LAMA5: variants seen among roughly 807,000 people sequenced by gnomAD.
The protein encoded by LAMA5 is laminin subunit alpha 5.
Under a neutral mutation model 433.4 loss-of-function variants are expected in LAMA5, and 260 were observed. The observed-to-expected ratio is 0.60, with a 90% confidence interval of 0.54 to 0.66. The LOEUF (loss-of-function observed/expected upper bound fraction) is 0.66. Among genes scored for constraint, LAMA5 ranks in the 30% least tolerant of loss-of-function variants. The pLI is 0.00. For synonymous variants in LAMA5, 2,620 were observed against 2,226.6 expected (o/e 1.18, Z -4.97); for missense variants, 5,378 against 5,258.5 (o/e 1.02, Z -0.70).
rs1173086148 is a variant in LAMA5, at chr20:62,321,602, G to A, written c.6496+417C>T. Among the ~76,000 whole-genome samples the A allele has an allele frequency of 2.0e-4, 23 of 116,590 alleles. 1 individual carries two copies. In the South Asian group the frequency reaches 3.5e-3, roughly 18 times the overall value. 76.5% of individuals were successfully genotyped at this position (116,590 alleles called of 152,430 possible). A position where few individuals can be genotyped will look rare whatever the true frequency, so the allele number is the denominator to read the frequency against. On this transcript the variant is annotated intron_variant, in intron 48 of 79. Transcript: ENST00000252999. ...GTGGAGGGGTGGGGCCAGTGGAGGT[G>A]GGGTCAGTGAAGGGGTGGGGCCAGC...
At chr20:62,350,766 C>G (rs1984168011) in intron 6 of LAMA5, among the ~76,000 whole-genome samples, 1 of 152,176 alleles carries the variant, frequency 6.6e-6, no homozygotes, top group Admixed American at 6.5e-5. Context: ...CTCCGGGCAC[C>G]ACGCTGAGTA....
In LAMA5 at chr20:62,310,773, G is replaced by T; in HGVS notation, c.10338C>A (p.Ala3446=). The part of the protein sequence containing the change: ...RILLVTDGAR[A]WSQEGPHRQH... ...GCCGGTGCGGCCCCTCCTGGCTCCA[G>T]GCCCGGGCCCCGTCCGTCACCAGCA... Residue 3446 remains alanine, a synonymous_variant, in exon 75 of 80, where the codon GCC becomes GCA. Transcript: ENST00000252999. The T allele has an allele frequency of 6.4e-7, 1 of 1,555,162 alleles. No individual in the cohort carries two copies. The highest frequency in any genetic ancestry group is 2.3e-5 in the East Asian group (1 of 43,920).
intron 1 of LAMA5, among the ~76,000 whole-genome samples, chr20:62,365,980 C>T (rs933021927): frequency 1.3e-5 from 2 of 152,204 alleles, no homozygotes; most frequent in Admixed American, 1.3e-4. Flanking sequence ...CCTCTGCCCC[C>T]ACCCAGCAAA....
At chr20:62,341,826 CAAAAAAAAAAA>C (rs11466846) in intron 11 of LAMA5, among the ~76,000 whole-genome samples, 74,545 of 128,610 alleles carry the variant, frequency 0.58, 23,101 homozygotes, top group East Asian at 0.76. Flanking sequence ...TCTGATCAAC[CAAAAAAAAAAA>C]AAAAAAAAAA....
chr20:62,338,617 T>C lies in LAMA5; in HGVS notation c.1478-9A>G. ...CGCGCTGCAGTCACAATCTGGAGGG[T>C]GGGGACAGGCAGGGGAGTCTCAGAT... On this transcript the variant is annotated splice_polypyrimidine_tract_variant and intron_variant, in intron 11 of 79. Transcript: ENST00000252999. 1 of 1,605,544 alleles carries C rather than the reference T, an allele frequency of 6.2e-7. No homozygotes were observed. Among genetic ancestry groups the C allele is most frequent in the Non-Finnish European group, 8.5e-7 (1 of 1,178,078 alleles).
intron 47 of LAMA5, 49 bp downstream of exon 47, chr20:62,322,220 C>A (rs1227914014): frequency 1.3e-6 from 2 of 1,542,566 alleles, no homozygotes; most frequent in Non-Finnish European, 1.7e-6. Flanking sequence ...TTGGAGCGTA[C>A]CCCACTCAGA....
chr20:62,315,872 C>G, intron 58 of LAMA5, 76 bp downstream of exon 58: 1 of 1,138,484 alleles, frequency 8.8e-7, no homozygotes, highest in South Asian at 1.4e-5. Flanking sequence ...TGCTCACCAA[C>G]CACATGTGGC....
chr20:62,334,623 T>A lies in LAMA5; in HGVS notation c.2483-2A>T. The A allele has an allele frequency of 6.5e-7, 1 of 1,545,412 alleles. No individual in the cohort carries two copies. The highest frequency in any genetic ancestry group is 8.7e-7 in the Non-Finnish European group (1 of 1,146,334). On this transcript the variant is annotated splice_acceptor_variant, in intron 20 of 79. Coordinates refer to ENST00000252999, the MANE Select transcript of LAMA5 (RefSeq NM_005560.6). LOFTEE classifies it high-confidence loss of function. Reference sequence around the variant, plus strand: ...CACCGCCAATGTCACACCGGCAGCCTGCAGGGAGAAGGTGGGAGGTCAGAG... The same window carrying A: ...CACCGCCAATGTCACACCGGCAGCCAGCAGGGAGAAGGTGGGAGGTCAGAG...
intron 2 of LAMA5, among the ~76,000 whole-genome samples, chr20:62,361,192 G>C (rs1236998032): frequency 2.6e-5 from 4 of 152,032 alleles, no homozygotes; most frequent in Non-Finnish European, 1.5e-5. Flanking sequence ...GGGGACAGGG[G>C]AGTCAGATGC....
chr20:62,320,780 C>A lies in LAMA5; in HGVS notation c.6607G>T (p.Ala2203Ser). The change falls in exon 49 of 80, where the codon GCC (alanine) becomes TCC (serine). Residue 2203 changes from alanine (A) to serine (S), a missense_variant. Ala to Ser is a moderately conservative substitution (Grantham distance 99). Coordinates refer to ENST00000252999, the MANE Select transcript of LAMA5 (RefSeq NM_005560.6). Reference sequence around the variant, plus strand: ...GAGGCGTTCAGCCTGTGCAGACGGGCCCAGGCCATGGAGCTGGCATTGATG... The same window carrying A: ...GAGGCGTTCAGCCTGTGCAGACGGGACCAGGCCATGGAGCTGGCATTGATG... ...RGINASSMAW[A>S]RLHRLNASIA... 1 of 1,612,652 alleles carries A rather than the reference C, an allele frequency of 6.2e-7. No individual in the cohort carries two copies. The highest frequency in any genetic ancestry group is 1.1e-5 in the South Asian group (1 of 91,084).
chr20:62,334,369 G>A (rs1981138559), intron 21 of LAMA5, 27 bp from the exon 22 acceptor site: 2 of 1,570,746 alleles, frequency 1.3e-6, no homozygotes, highest in Non-Finnish European at 8.6e-7. Flanking sequence ...CTGGTCAGGT[G>A]CAGCTTGGCC....
At position 62,327,238 on chromosome 20, in the gene LAMA5, C is replaced by T. The variant is rs921489971; in HGVS notation, c.5107G>A (p.Asp1703Asn). The change falls in exon 38 of 80, where the codon GAC becomes AAC. Residue 1703 changes from aspartate to asparagine, a missense_variant. Transcript: ENST00000252999. Reference protein sequence around the residue: ...YWQAPPSYLGDRVSSYGGTLR... With the variant: ...YWQAPPSYLGNRVSSYGGTLR... ...AGACCTGATGCCCTGCTTACCCGGT[C>T]CCCCAGGTAGGAGGGTGGGGCCTGC... The T allele has an allele frequency of 2.0e-6, 3 of 1,510,276 alleles. No individual in the cohort carries two copies. Among genetic ancestry groups the T allele is most frequent in the Non-Finnish European group, 2.6e-6 (3 of 1,132,886 alleles). 93.6% of individuals were successfully genotyped at this position (1,510,276 alleles called of 1,614,324 possible).
At chr20:62,316,169 G>A in intron 57 of LAMA5, 111 bp from the exon 58 acceptor site, 2 of 711,314 alleles carry the variant, frequency 2.8e-6, no homozygotes, top group South Asian at 1.7e-5. Flanking sequence ...ACAGCAGACA[G>A]ATGGACAGGG....
rs1290439069 is a variant in LAMA5, at chr20:62,309,575, T to A, written c.10949-100A>T. The A allele has an allele frequency of 3.3e-5, 16 of 487,002 alleles. No homozygotes were observed. The East Asian group carries it at 1.5e-3, about 45-fold the overall frequency. 30.2% of individuals were successfully genotyped at this position (487,002 alleles called of 1,614,324 possible). A position where few individuals can be genotyped will look rare whatever the true frequency, so the allele number is the denominator to read the frequency against. ...GTGCCCCACCCAGCCCCTGTCTCAT[T>A]CCACATCATAGGAGGGTGGTAGGGG... On this transcript the variant is annotated intron_variant, in intron 79 of 79. Coordinates refer to ENST00000252999, the MANE Select transcript of LAMA5 (RefSeq NM_005560.6).
intron 69 of LAMA5, 41 bp from the exon 70 acceptor site, chr20:62,312,091 CAG>C (rs1360657801): frequency 1.2e-6 from 2 of 1,609,118 alleles, no homozygotes; most frequent in African/African-American, 2.7e-5. Flanking sequence ...CCTGGGGACC[CAG>C]ACTCATTCCA....
At chr20:62,316,120 C>T in intron 57 of LAMA5, 62 bp from the exon 58 acceptor site, 1 of 1,168,126 alleles carries the variant, frequency 8.6e-7, no homozygotes, top group Non-Finnish European at 1.2e-6. Context: ...TTGCAGCCCA[C>T]CTCCACCCTT....
intron 62 of LAMA5, among the ~76,000 whole-genome samples, chr20:62,314,054 C>G (rs140163399): frequency 1.9e-5 from 1 of 51,520 alleles, no homozygotes; most frequent in Non-Finnish European, 3.6e-5. Flanking sequence ...TGGGCACAGA[C>G]GAGGGGTGGC....
In LAMA5 at chr20:62,330,926, C is replaced by G; in HGVS notation, c.3669G>C (p.Ser1223=). ...TGGGCTGGGGCGGCTTTGGGAAGCGCGAGGGCAGACAGGCGGCACTGGTGA... is the reference window on the plus strand; with the variant it reads ...TGGGCTGGGGCGGCTTTGGGAAGCGGGAGGGCAGACAGGCGGCACTGGTGA... ...FGPNSAACLP[S]RFPKPPQPII... is the part of the protein sequence containing the mutation. Residue 1223 remains serine (S), a synonymous_variant, in exon 30 of 80, where the codon TCG becomes TCC. Coordinates refer to ENST00000252999, the MANE Select transcript of LAMA5 (RefSeq NM_005560.6). 4 of 1,550,668 alleles carry G rather than the reference C, an allele frequency of 2.6e-6. No individual in the cohort carries two copies. Among genetic ancestry groups the G allele is most frequent in the Non-Finnish European group, 3.5e-6 (4 of 1,147,358 alleles).
chr20:62,344,144 C>CAAAAAAAAAAAAAAAAAAAACAAAAAAA (rs34940052), intron 11 of LAMA5, among the ~76,000 whole-genome samples: 1 of 82,652 alleles, frequency 1.2e-5, no homozygotes, highest in Non-Finnish European at 2.4e-5. Flanking sequence ...AACTCCATCT[C>CAAAAAAAAAAAAAAAAAAAACAAAAAAA]AAAAAAAAAA....
Sources: allele counts gnomAD v4.1 joint callset (sites outside exome capture counted in the v4.1 genomes callset), GRCh38; gene constraint gnomAD v4.1.1; transcripts MANE v1.5; gene names NCBI Gene and HGNC (gene_info 2026-07-23, HGNC 2026-07-21).